The following SEPTIN7 variants were observed in gnomAD, a reference collection of about 807,000 sequenced individuals.
The protein encoded by SEPTIN7 is septin 7, also known as septin-7.
Under a neutral mutation model 63.3 loss-of-function variants are expected in SEPTIN7, and 10 were observed. The ratio of observed to expected loss-of-function variants is 0.16; its 90% CI spans 0.10 to 0.27. SEPTIN7 has a LOEUF of 0.27. Among genes scored for constraint, SEPTIN7 ranks in the 10% least tolerant of loss-of-function variants. The pLI is 1.00. For synonymous variants in SEPTIN7, 131 were observed against 165.3 expected, an observed-to-expected ratio of 0.79 and a Z score of 1.59; for missense variants, 310 against 521.0, an observed-to-expected ratio of 0.59 and a Z score of 3.94.
intron 4 of SEPTIN7, among the ~76,000 whole-genome samples, chr7:35,871,174 C>G (rs975374698): frequency 2.6e-5 from 4 of 152,102 alleles, no homozygotes; most frequent in Middle Eastern, 3.2e-3. Context: ...TAGTTTATAT[C>G]AGGATCAAAG....
chr7:35,833,785 A>G (rs1783948046), intron 3 of SEPTIN7, among the ~76,000 whole-genome samples: 1 of 151,922 alleles, frequency 6.6e-6, no homozygotes, highest in Non-Finnish European at 1.5e-5. Flanking sequence ...ATGTTTCAAC[A>G]TCTAGTATTT....
intron 1 of SEPTIN7, chr7:35,812,095 G>T: frequency 4.7e-6 from 1 of 213,470 alleles, no homozygotes; most frequent in Non-Finnish European, 9.8e-6. Context: ...CCTCTGCACT[G>T]CCTGGTGACA....
At chr7:35,809,025 A>G (rs1486769984) in intron 1 of SEPTIN7, among the ~76,000 whole-genome samples, 1 of 152,234 alleles carries the variant, frequency 6.6e-6, no homozygotes, top group Non-Finnish European at 1.5e-5. Flanking sequence ...CATTATATCA[A>G]TAATGTATTG....
At chr7:35,858,930 T>G (rs1192212851) in intron 3 of SEPTIN7, among the ~76,000 whole-genome samples, 2 of 152,180 alleles carry the variant, frequency 1.3e-5, no homozygotes, top group Non-Finnish European at 2.9e-5. Context: ...TCTACCCTCC[T>G]CAGCCTCCCA....
intron 4 of SEPTIN7, among the ~76,000 whole-genome samples, chr7:35,871,086 T>G (rs4723448): frequency 0.52 from 78,551 of 151,970 alleles, 21,995 homozygotes; most frequent in Admixed American, 0.63. Flanking sequence ...TAATGCATAT[T>G]AATACTTAAT....
chr7:35,914,333 G>A, the SEPTIN7 span, among the ~76,000 whole-genome samples: 16 of 152,246 alleles, frequency 1.1e-4, no homozygotes, highest in Middle Eastern at 3.4e-3. Flanking sequence ...TTTTGTAAAG[G>A]TATTATTTAG....
At chr7:35,851,293 A>G (rs1448499124) in intron 3 of SEPTIN7, among the ~76,000 whole-genome samples, 1 of 152,096 alleles carries the variant, frequency 6.6e-6, no homozygotes, top group Non-Finnish European at 1.5e-5. Flanking sequence ...TGTAAATATT[A>G]TGTTTTGTTT....
At chr7:35,886,153 A>G (rs1191429584) in intron 10 of SEPTIN7, among the ~76,000 whole-genome samples, 1 of 152,226 alleles carries the variant, frequency 6.6e-6, no homozygotes, top group Non-Finnish European at 1.5e-5. Context: ...AACTATGGAA[A>G]GTGAAGTAGA....
At chr7:35,899,257 G>A (rs1788153470) in intron 12 of SEPTIN7, 1 of 152,190 alleles carries the variant, frequency 6.6e-6, no homozygotes, top group Admixed American at 6.5e-5. Flanking sequence ...AAAATAGCCT[G>A]GGCATGGTGG....
At chr7:35,862,782 A>G (rs764158427) in intron 3 of SEPTIN7, among the ~76,000 whole-genome samples, 11 of 152,302 alleles carry the variant, frequency 7.2e-5, no homozygotes, top group African/African-American at 9.6e-5. Flanking sequence ...TTGTCATAAT[A>G]TGGTTTATAA....
At chr7:35,861,148 T>C (rs1399379516) in intron 3 of SEPTIN7, among the ~76,000 whole-genome samples, 1 of 152,188 alleles carries the variant, frequency 6.6e-6, no homozygotes, top group Non-Finnish European at 1.5e-5. Flanking sequence ...CTCTACAGTT[T>C]GTTTTTATAA....
At chr7:35,885,798 T>A (rs773209566) in intron 9 of SEPTIN7, 30 bp from the exon 10 acceptor site, 2 of 1,557,872 alleles carry the variant, frequency 1.3e-6, no homozygotes, top group East Asian at 4.5e-5. Flanking sequence ...AGTGGAAATA[T>A]AACATATGCG....
At chr7:35,844,087 G>T (rs1271300825) in intron 3 of SEPTIN7, among the ~76,000 whole-genome samples, 2 of 152,180 alleles carry the variant, frequency 1.3e-5, no homozygotes, top group East Asian at 3.8e-4. Flanking sequence ...TAGTAATTAA[G>T]TTTATGTACA....
At chr7:35,830,442 C>T (rs376620109) in intron 1 of SEPTIN7, among the ~76,000 whole-genome samples, 2 of 152,098 alleles carry the variant, frequency 1.3e-5, no homozygotes, top group African/African-American at 4.8e-5. Flanking sequence ...GGATGGGTTT[C>T]GCTTGCAGAG....
chr7:35,864,349 A>G (rs1202292685), intron 4 of SEPTIN7, among the ~76,000 whole-genome samples: 3 of 152,144 alleles, frequency 2.0e-5, no homozygotes, highest in African/African-American at 4.8e-5. Flanking sequence ...CATTTCTAAC[A>G]AGATCACAGG....
Position 35,906,186 on chromosome 7 carries a change from A to T in SEPTIN7, c.*1893A>T, listed in dbSNP as rs912667564. The T allele has an allele frequency of 1.3e-5, 2 of 152,194 alleles. No individual in the cohort carries two copies. The highest frequency in any genetic ancestry group is 4.8e-5 in the African/African-American group (2 of 41,462). The allele number at this position is 152,194 out of a possible 1,614,324, so 9.4% of individuals were successfully genotyped here. A position where few individuals can be genotyped will look rare whatever the true frequency, so the allele number is the denominator to read the frequency against. ...TGGTTAAGTACTACTGCTTCTGGGA[A>T]ATACTATTTCAAAATTCTATGTATT... On this transcript the variant is annotated 3_prime_UTR_variant, in exon 14 of 14. Coordinates refer to ENST00000350320, the MANE Select transcript of SEPTIN7 (RefSeq NM_001788.6).
At chr7:35,896,640 T>G (rs1271822186) in intron 11 of SEPTIN7, among the ~76,000 whole-genome samples, 1 of 152,188 alleles carries the variant, frequency 6.6e-6, no homozygotes, top group African/African-American at 2.4e-5. Context: ...AAAGATGATA[T>G]TTACACTTGA....
At chr7:35,824,853 A>C (rs1783418876) in intron 1 of SEPTIN7, among the ~76,000 whole-genome samples, 1 of 152,182 alleles carries the variant, frequency 6.6e-6, no homozygotes, top group Non-Finnish European at 1.5e-5. Context: ...TTATTTCAAC[A>C]TGCAATCAGT....
the SEPTIN7 span, among the ~76,000 whole-genome samples, chr7:35,914,832 G>C: frequency 3.3e-5 from 5 of 151,450 alleles, no homozygotes; most frequent in Non-Finnish European, 7.4e-5. Flanking sequence ...AGATATGTAC[G>C]TGTGTGTATA....
Sources: allele counts gnomAD v4.1 joint callset (sites outside exome capture counted in the v4.1 genomes callset), GRCh38; gene constraint gnomAD v4.1.1; transcripts MANE v1.5; gene names NCBI Gene and HGNC (gene_info 2026-07-23, HGNC 2026-07-21).